The following KANK1 variants were observed in gnomAD, a reference collection of about 807,000 sequenced individuals.
The protein encoded by KANK1 is KN motif and ankyrin repeat domains 1, also known as KN motif and ankyrin repeat domain-containing protein 1.
Under a neutral mutation model 106.2 loss-of-function variants are expected in KANK1, and 109 were observed. The ratio of observed to expected loss-of-function variants is 1.03; its 90% CI spans 0.88 to 1.20. The LOEUF (loss-of-function observed/expected upper bound fraction) is 1.20, where lower values mean the gene tolerates loss of function less well. KANK1 is among the 50% of genes most tolerant of loss of function. The probability of loss-of-function intolerance (pLI) is 0.00; values close to 1 mark genes in which losing one functional copy is unlikely to be tolerated. For missense variants in KANK1, 2,399 were observed against 1,710.7 expected, an observed-to-expected ratio of 1.40 and a Z score of -7.10; for synonymous variants, 873 against 652.2, an observed-to-expected ratio of 1.34 and a Z score of -5.16.
At chr9:470,951 C>A (rs182192092) in intron 2 of KANK1, 4 of 152,314 alleles carry the variant, frequency 2.6e-5, no homozygotes, top group Non-Finnish European at 5.9e-5. Context: ...GTGCTAGCCA[C>A]CTGGGTAGTC....
chr9:551,387 T>G (rs1198618842), intron 1 of KANK1, among the ~76,000 whole-genome samples: 1 of 152,102 alleles, frequency 6.6e-6, no homozygotes, highest in African/African-American at 2.4e-5. Flanking sequence ...AATCTGAAGT[T>G]AGCTGTCAGT....
At chr9:633,870 C>T (rs6477052) in intron 1 of KANK1, among the ~76,000 whole-genome samples, 68,694 of 151,950 alleles carry the variant, frequency 0.45, 16,103 homozygotes, top group East Asian at 0.59. Context: ...CAGGCTGGGC[C>T]CAACTCCTAG....
At chr9:687,186 A>C (rs1184026790) in intron 2 of KANK1, among the ~76,000 whole-genome samples, 1 of 152,264 alleles carries the variant, frequency 6.6e-6, no homozygotes, top group South Asian at 2.1e-4. Context: ...ATTTGGCAGA[A>C]TACATCTTTG....
chr9:643,543 A>AT (rs774468238), intron 1 of KANK1, among the ~76,000 whole-genome samples: 8,529 of 102,392 alleles, frequency 0.083, 714 homozygotes, highest in East Asian at 0.26. Context: ...TTTCTTTTTG[A>AT]TTTTTTTTTT....
chr9:623,496 G>A (rs935178113), intron 1 of KANK1, among the ~76,000 whole-genome samples: 1 of 151,590 alleles, frequency 6.6e-6, no homozygotes, highest in African/African-American at 2.4e-5. Context: ...AGACTGAGGT[G>A]AGGAGGCTGA....
At chr9:581,064 G>A (rs1049769699) in intron 1 of KANK1, among the ~76,000 whole-genome samples, 9 of 151,838 alleles carry the variant, frequency 5.9e-5, no homozygotes, top group Non-Finnish European at 7.4e-5. Context: ...TGTGGGGCCC[G>A]CCGAGCCCAC....
chr9:550,100 C>T (rs982159256), intron 1 of KANK1, among the ~76,000 whole-genome samples: 2 of 152,240 alleles, frequency 1.3e-5, no homozygotes, highest in South Asian at 2.1e-4. Context: ...GGGTTGGATG[C>T]AGGATAATTA....
intron 1 of KANK1, among the ~76,000 whole-genome samples, chr9:602,300 G>A (rs998729886): frequency 2.0e-5 from 3 of 151,452 alleles, no homozygotes; most frequent in African/African-American, 7.3e-5. Context: ...TCGCTCTGTT[G>A]CCAGGCTGGT....
At chr9:471,976 C>T (rs529459595) in intron 2 of KANK1, among the ~76,000 whole-genome samples, 1 of 152,264 alleles carries the variant, frequency 6.6e-6, no homozygotes, top group African/African-American at 2.4e-5. Context: ...ATTCCCCTGC[C>T]CCCAACCCCA....
At chr9:650,802 T>A (rs1378688585) in intron 1 of KANK1, among the ~76,000 whole-genome samples, 1 of 152,102 alleles carries the variant, frequency 6.6e-6, no homozygotes, top group Non-Finnish European at 1.5e-5. Flanking sequence ...AATAAAGAAA[T>A]GTTGCAGTCC....
At chr9:555,182 A>T (rs2061506586) in intron 1 of KANK1, among the ~76,000 whole-genome samples, 1 of 152,216 alleles carries the variant, frequency 6.6e-6, no homozygotes, top group South Asian at 2.1e-4. Flanking sequence ...CCAGTAGCTA[A>T]TCCCTGAGAA....
intron 1 of KANK1, among the ~76,000 whole-genome samples, chr9:557,934 G>T (rs1341352022): frequency 6.6e-6 from 1 of 152,170 alleles, no homozygotes; most frequent in Non-Finnish European, 1.5e-5. Flanking sequence ...GAGCCTGGGT[G>T]GTTGAGGCTA....
intron 1 of KANK1, among the ~76,000 whole-genome samples, chr9:514,689 C>A (rs2059203194): frequency 6.6e-6 from 1 of 151,664 alleles, no homozygotes; most frequent in Admixed American, 6.5e-5. Context: ...GCTGTTCATC[C>A]TGTTGTCCAT....
At chr9:505,144 T>G (rs114378386) in intron 1 of KANK1, among the ~76,000 whole-genome samples, 5,186 of 152,104 alleles carry the variant, frequency 0.034, 296 homozygotes, top group African/African-American at 0.12. Context: ...CGGCGCTCTG[T>G]CCCTCGGATG....
chr9:730,301 C>A (rs1482031625), intron 4 of KANK1, 53 bp downstream of exon 4: 2 of 1,519,368 alleles, frequency 1.3e-6, no homozygotes, highest in Non-Finnish European at 1.8e-6. Context: ...GCCAGCATTG[C>A]CAGCATTCCA....
chr9:665,047 C>T (rs920900414), intron 1 of KANK1, among the ~76,000 whole-genome samples: 1 of 152,028 alleles, frequency 6.6e-6, no homozygotes, highest in African/African-American at 2.4e-5. Context: ...GTTTGAGCTC[C>T]TTATATATTC....
At chr9:578,097 T>C (rs1821071689) in intron 1 of KANK1, among the ~76,000 whole-genome samples, 1 of 152,152 alleles carries the variant, frequency 6.6e-6, no homozygotes, top group South Asian at 2.1e-4. Context: ...CAGAGGATAC[T>C]GAACTGGCCA....
intron 2 of KANK1, among the ~76,000 whole-genome samples, chr9:678,684 C>G (rs1816889620): frequency 1.3e-5 from 2 of 152,196 alleles, no homozygotes; most frequent in African/African-American, 4.8e-5. Flanking sequence ...CCAGATTGCA[C>G]TACTGCCCTC....
intron 2 of KANK1, among the ~76,000 whole-genome samples, 173 bp from the exon 3 acceptor site, chr9:710,630 CA>C (rs1190499924): frequency 6.9e-5 from 4 of 57,784 alleles, no homozygotes; most frequent in South Asian, 5.1e-4. Context: ...AAAAAAAAAA[CA>C]AAAAAAAACA....
Sources: gnomAD v4.1 joint callset for allele counts (sites outside exome capture counted in the v4.1 genomes callset) on GRCh38, gnomAD v4.1.1 for gene constraint, MANE v1.5 for transcripts, NCBI Gene and HGNC (gene_info 2026-07-23, HGNC 2026-07-21) for gene names.